PRPSAP1: variants seen among roughly 807,000 people sequenced by gnomAD.
PRPSAP1 encodes phosphoribosyl pyrophosphate synthetase associated protein 1.
In PRPSAP1, 31 loss-of-function variants were observed where a neutral mutation model predicts 39.4. The observed-to-expected ratio is 0.79, with a 90% CI of 0.59 to 1.06. The LOEUF (loss-of-function observed/expected upper bound fraction) is 1.06, where lower values mean the gene tolerates loss of function less well. Among genes scored for constraint, PRPSAP1 ranks in the 50% least tolerant of loss-of-function variants. PRPSAP1 has a pLI of 0.00. For synonymous variants in PRPSAP1, 212 were observed against 192.6 expected (o/e 1.10, Z -0.83); for missense variants, 430 against 511.6 (o/e 0.84, Z 1.54).
At chr17:76,337,844 A>T (rs2071395789) in intron 3 of PRPSAP1, among the ~76,000 whole-genome samples, 1 of 152,110 alleles carries the variant, frequency 6.6e-6, no homozygotes, top group South Asian at 2.1e-4. Context: ...TGACCAACTG[A>T]TCCACCTGCC....
Position 76,353,852 on chromosome 17 carries a change from C to T in PRPSAP1, c.-149G>A. 7.3e-7 allele frequency: 1 copy of T among 1,366,062 alleles called. No homozygotes were observed. Among genetic ancestry groups the T allele is most frequent in the Non-Finnish European group, 9.4e-7 (1 of 1,067,146 alleles). 84.6% of individuals were successfully genotyped at this position (1,366,062 alleles called of 1,614,324 possible). A position where few individuals can be genotyped will look rare whatever the true frequency, so the allele number is the denominator to read the frequency against. ...CCGAGGTCCGTGCCCTTGCGCACCC[C>T]ACACCACTGACTACAGCGGCCGAGC... On this transcript the variant is annotated 5_prime_UTR_variant, in exon 1 of 10. Coordinates refer to ENST00000446526, the MANE Select transcript of PRPSAP1 (RefSeq NM_002766.3).
chr17:76,331,248 C>T (rs1027615776), intron 4 of PRPSAP1, among the ~76,000 whole-genome samples: 2 of 152,158 alleles, frequency 1.3e-5, no homozygotes, highest in African/African-American at 4.8e-5. Context: ...AAACACATTG[C>T]AAATGGTCAA....
intron 2 of PRPSAP1, among the ~76,000 whole-genome samples, chr17:76,347,271 G>C (rs2071515486): frequency 1.3e-5 from 2 of 151,828 alleles, no homozygotes; most frequent in South Asian, 4.2e-4. Flanking sequence ...TGGATCACCT[G>C]AGGTCAGGAG....
At chr17:76,352,570 G>A (rs960291629) in intron 1 of PRPSAP1, among the ~76,000 whole-genome samples, 2 of 150,516 alleles carry the variant, frequency 1.3e-5, no homozygotes, top group Non-Finnish European at 3.0e-5. Flanking sequence ...GCGTGAACCC[G>A]GGAGGCGGAG....
intron 1 of PRPSAP1, 38 bp downstream of exon 1, chr17:76,353,495 GC>G (rs771880666): frequency 3.4e-4 from 500 of 1,461,936 alleles, no homozygotes; most frequent in Non-Finnish European, 3.1e-4. Context: ...AGAGCTAGGC[GC>G]CGCCGCCCCC....
intron 3 of PRPSAP1, among the ~76,000 whole-genome samples, chr17:76,344,004 G>A (rs887633124): frequency 1.3e-5 from 2 of 152,084 alleles, no homozygotes; most frequent in Non-Finnish European, 2.9e-5. Context: ...AGGCTAGAGT[G>A]CAGTGGCGCG....
In PRPSAP1 at chr17:76,353,438, A is replaced by T. The variant is rs545979106; in HGVS notation, c.170+96T>A. ...GGCCCGCGCCTCCCGCCCCAGGTGC[A>T]GGAGGTGGGGCGGGTGGAGGGGAGC... On this transcript the variant is annotated intron_variant, in intron 1 of 9. Transcript: ENST00000446526. 9.9e-4 allele frequency: 1,187 copies of T among 1,201,346 alleles called. 9 individuals are homozygous for T. The African/African-American group carries it at 0.015, about 15-fold the overall frequency. 74.4% of individuals were successfully genotyped at this position (1,201,346 alleles called of 1,614,324 possible). A position where few individuals can be genotyped will look rare whatever the true frequency, so the allele number is the denominator to read the frequency against.
At chr17:76,340,932 G>T (rs1263496280) in intron 3 of PRPSAP1, among the ~76,000 whole-genome samples, 5 of 151,050 alleles carry the variant, frequency 3.3e-5, no homozygotes, top group Non-Finnish European at 7.4e-5. Context: ...GGGTAGGGGG[G>T]GACTGTCTTT....
chr17:76,328,926 ATT>A, intron 6 of PRPSAP1, 64 bp from the exon 7 acceptor site: 4 of 1,503,026 alleles, frequency 2.7e-6, no homozygotes, highest in Middle Eastern at 1.8e-4. Context: ...CTACGGCATC[ATT>A]TTTTAACCAT....
intron 7 of PRPSAP1, among the ~76,000 whole-genome samples, chr17:76,324,464 G>A (rs1184772303): frequency 6.6e-6 from 1 of 151,970 alleles, no homozygotes; most frequent in Non-Finnish European, 1.5e-5. Flanking sequence ...GCCAGGTGTG[G>A]TGATGCATAC....
At chr17:76,334,528 C>T (rs922999178) in intron 3 of PRPSAP1, among the ~76,000 whole-genome samples, 2 of 152,184 alleles carry the variant, frequency 1.3e-5, no homozygotes, top group African/African-American at 4.8e-5. Context: ...TCCTTTTATT[C>T]TGACAATGTT....
chr17:76,353,868 G>T lies in PRPSAP1; in HGVS notation c.-165C>A. Reference sequence around the variant, plus strand: ...TGCGCACCCCACACCACTGACTACAGCGGCCGAGCCTTCGCAGCGCCCGGC... The same window carrying T: ...TGCGCACCCCACACCACTGACTACATCGGCCGAGCCTTCGCAGCGCCCGGC... On this transcript the variant is annotated 5_prime_UTR_variant, in exon 1 of 10. In the 5' UTR this introduces an upstream ATG that the reference lacks. Coordinates refer to ENST00000446526, the MANE Select transcript of PRPSAP1 (RefSeq NM_002766.3). 1.5e-6 allele frequency: 2 copies of T among 1,328,590 alleles called. No homozygotes were observed. Among genetic ancestry groups the T allele is most frequent in the African/African-American group, 3.1e-5 (2 of 64,576 alleles). The allele number at this position is 1,328,590 out of a possible 1,614,324, so 82.3% of individuals were successfully genotyped here.
Position 76,345,819 on chromosome 17 carries a change from G to A in PRPSAP1, c.224-1082C>T, listed in dbSNP as rs557633997. 11 of 363,042 alleles carry A rather than the reference G, an allele frequency of 3.0e-5. No homozygotes were observed. In the East Asian group the frequency reaches 5.5e-4, roughly 18 times the overall value. 22.5% of individuals were successfully genotyped at this position (363,042 alleles called of 1,614,324 possible). ...CATCCCGCTCCCAGTGCCTACGTCC[G>A]GCTGCTTTCGTTGCCACCATGCCCA... is the stretch of plus-strand genomic sequence containing the variant. On this transcript the variant is annotated intron_variant, in intron 2 of 9. Coordinates refer to ENST00000446526, the MANE Select transcript of PRPSAP1 (RefSeq NM_002766.3).
chr17:76,339,288 C>T lies in PRPSAP1; in HGVS notation c.290+5383G>A, dbSNP rs966778686. On this transcript the variant is annotated intron_variant, in intron 3 of 9. Coordinates refer to ENST00000446526, the MANE Select transcript of PRPSAP1 (RefSeq NM_002766.3). ...GCTGTGGTGGCACACGCCTATAATC[C>T]CAGCTACTCAGGAGGCTGAGGCAGG... Among the ~76,000 whole-genome samples the T allele has an allele frequency of 2.0e-5, 3 of 151,308 alleles. 1 individual carries two copies. The highest frequency in any genetic ancestry group is 4.9e-5 in the African/African-American group (2 of 40,788).
In PRPSAP1 at chr17:76,315,587, A is replaced by C. The variant is rs948226487; in HGVS notation, c.782-1696T>G. On this transcript the variant is annotated intron_variant, in intron 7 of 9. Coordinates refer to ENST00000446526, the MANE Select transcript of PRPSAP1 (RefSeq NM_002766.3). ...CAAGACAAGAAGGCTTTGCATATAA[A>C]ATCACTTAAAATGGGGGGAGGGGGG... Among the ~76,000 whole-genome samples, 5 of 151,928 alleles carry C rather than the reference A, an allele frequency of 3.3e-5. No homozygotes were observed. In the East Asian group the frequency reaches 9.6e-4, roughly 29 times the overall value.
At chr17:76,322,310 C>T (rs377520786) in intron 7 of PRPSAP1, among the ~76,000 whole-genome samples, 1 of 152,136 alleles carries the variant, frequency 6.6e-6, no homozygotes, top group African/African-American at 2.4e-5. Flanking sequence ...GCAGGAGAAT[C>T]GCTTGAACCC....
intron 7 of PRPSAP1, among the ~76,000 whole-genome samples, chr17:76,318,771 C>T (rs1281897072): frequency 1.3e-5 from 2 of 152,130 alleles, no homozygotes; most frequent in African/African-American, 4.8e-5. Context: ...AGAAGTAATG[C>T]ACTCTTTTCC....
chr17:76,319,696 G>A (rs375766133), intron 7 of PRPSAP1, among the ~76,000 whole-genome samples: 15 of 151,716 alleles, frequency 9.9e-5, no homozygotes, highest in South Asian at 4.2e-4. Flanking sequence ...CTCGTGATTC[G>A]CCCTCCTTGG....
rs549741863 is a variant in PRPSAP1, at chr17:76,345,265, G to A, written c.224-528C>T. Among the ~76,000 whole-genome samples the A allele has an allele frequency of 1.9e-3, 197 of 102,364 alleles. 1 individual carries two copies. The highest frequency in any genetic ancestry group is 3.0e-3 in the Non-Finnish European group (143 of 48,412). The allele number at this position is 102,364 out of a possible 152,430, so 67.2% of individuals were successfully genotyped here. A position where few individuals can be genotyped will look rare whatever the true frequency, so the allele number is the denominator to read the frequency against. On this transcript the variant is annotated intron_variant, in intron 2 of 9. Transcript: ENST00000446526. ...AAAAAAAAAAAAAAAAGAGTTCTTC[G>A]AGACCAGCCCGGCCAATATGGTGAA...
Sources: gnomAD v4.1 joint callset for allele counts (sites outside exome capture counted in the v4.1 genomes callset) on GRCh38, gnomAD v4.1.1 for gene constraint, MANE v1.5 for transcripts, NCBI Gene and HGNC (gene_info 2026-07-23, HGNC 2026-07-21) for gene names.